HDAC7: variants seen among roughly 807,000 people sequenced by gnomAD.
HDAC7 encodes histone deacetylase 7A.
A neutral mutation model predicts 115.5 loss-of-function variants in HDAC7; 26 were observed. That is an observed-to-expected ratio of 0.23 (90% confidence interval 0.16 to 0.31). The LOEUF is 0.31. Ranked by LOEUF, HDAC7 falls within the 10% of genes least tolerant of loss-of-function variation. The pLI is 1.00. For missense variants in HDAC7, 1,068 were observed against 1,329.0 expected, an observed-to-expected ratio of 0.80 and a Z score of 3.05; for synonymous variants, 564 against 550.9, an observed-to-expected ratio of 1.02 and a Z score of -0.33.
chr12:47,809,909 T>C (rs899840999), intron 1 of HDAC7, among the ~76,000 whole-genome samples: 2 of 152,090 alleles, frequency 1.3e-5, no homozygotes, highest in Non-Finnish European at 2.9e-5. Context: ...CAAGTAGTCC[T>C]CACAACTCTG....
At chr12:47,813,182 T>C in intron 1 of HDAC7, 2 of 143,994 alleles carry the variant, frequency 1.4e-5, no homozygotes, top group African/African-American at 2.6e-5. Context: ...TGCCTGGGGC[T>C]CCCCCCTTCA....
At chr12:47,790,122 C>T in intron 16 of HDAC7, 1 of 586,072 alleles carries the variant, frequency 1.7e-6, no homozygotes, top group Non-Finnish European at 3.1e-6. Context: ...AGCTTAAGTC[C>T]CAGCACCAGC....
intron 21 of HDAC7, among the ~76,000 whole-genome samples, chr12:47,786,985 G>C (rs1943204607): frequency 6.6e-6 from 1 of 152,196 alleles, no homozygotes; most frequent in Non-Finnish European, 1.5e-5. Context: ...GTGTGACCAT[G>C]TGTGTGTGCA....
At chr12:47,812,835 C>G (rs1332333626) in intron 1 of HDAC7, 1 of 152,270 alleles carries the variant, frequency 6.6e-6, no homozygotes, top group Admixed American at 6.5e-5. Flanking sequence ...ACCCAGATCT[C>G]TGGCGTCAGA....
At chr12:47,820,104 C>T (rs1398873713), upstream of HDAC7, 1 of 150,996 alleles carries the variant, frequency 6.6e-6, no homozygotes, top group African/African-American at 2.4e-5. The surrounding 1 kb of genome is among the most constrained non-coding windows in gnomAD (Gnocchi z 4.3). Context: ...CCGCGCGCGG[C>T]CAGATCGCGG....
intron 1 of HDAC7, among the ~76,000 whole-genome samples, chr12:47,802,671 C>A (rs757593769): frequency 1.3e-5 from 2 of 152,022 alleles, no homozygotes; most frequent in Admixed American, 6.5e-5. Context: ...TGAGGTGGGG[C>A]CAGAGGTGGG....
intron 17 of HDAC7, 114 bp downstream of exon 17, chr12:47,789,699 C>T: frequency 7.2e-7 from 1 of 1,396,552 alleles, no homozygotes; most frequent in East Asian, 2.3e-5. Context: ...CCTCCAAAAC[C>T]CTGTAGCAAT....
chr12:47,795,055 G>T lies in HDAC7; in HGVS notation c.1285-122C>A. 1 of 1,313,654 alleles carries T rather than the reference G, an allele frequency of 7.6e-7. No homozygotes were observed. Among genetic ancestry groups the T allele is most frequent in the Non-Finnish European group, 1.1e-6 (1 of 940,638 alleles). 81.4% of individuals were successfully genotyped at this position (1,313,654 alleles called of 1,614,324 possible). A position where few individuals can be genotyped will look rare whatever the true frequency, so the allele number is the denominator to read the frequency against. On this transcript the variant is annotated intron_variant, in intron 11 of 25. Coordinates refer to ENST00000080059, the MANE Select transcript of HDAC7 (RefSeq NM_015401.5). The surrounding 1 kb of genome is among the most constrained non-coding windows in gnomAD (Gnocchi z 4.3). Reference sequence around the variant, plus strand: ...GACTCCAGCTGCCATGCAGCTCTGGGCCCCAAGAAGCCACATCCCCCTCTT... The same window carrying T: ...GACTCCAGCTGCCATGCAGCTCTGGTCCCCAAGAAGCCACATCCCCCTCTT...
chr12:47,810,840 C>CTCTA (rs1944629253), intron 1 of HDAC7, among the ~76,000 whole-genome samples: 1 of 95,410 alleles, frequency 1.0e-5, no homozygotes, highest in South Asian at 3.2e-4. Context: ...CTCTCTCTCT[C>CTCTA]TCTCTCTATC....
At chr12:47,800,403 C>T (rs1161556393) in intron 2 of HDAC7, among the ~76,000 whole-genome samples, 1 of 152,190 alleles carries the variant, frequency 6.6e-6, no homozygotes, top group Non-Finnish European at 1.5e-5. Flanking sequence ...TTCACTCTAA[C>T]ATTCCCTGAC....
At chr12:47,800,340 G>A (rs963946731) in intron 2 of HDAC7, among the ~76,000 whole-genome samples, 2 of 152,108 alleles carry the variant, frequency 1.3e-5, no homozygotes, top group African/African-American at 4.8e-5. Flanking sequence ...TCCCCTCAAG[G>A]GGCTTTCTCA....
Position 47,797,070 on chromosome 12 carries a change from C to A in HDAC7, c.650G>T (p.Arg217Leu). 6.2e-7 allele frequency: 1 copy of A among 1,606,992 alleles called. No individual in the cohort carries two copies. Among genetic ancestry groups the A allele is most frequent in the Middle Eastern group, 1.7e-4 (1 of 6,020 alleles). ...GAGGCTGGGGGGCGCACTCTCCTTT[C>A]GGAGCAGTGGATTCTTCCTCCGCTC... ...SLERRKNPLLRKESAPPSLRR... is the reference protein window; with the variant it reads ...SLERRKNPLLLKESAPPSLRR... Residue 217 changes from arginine (R) to leucine (L), a missense_variant, in exon 7 of 26, where the codon CGA (arginine) becomes CTA (leucine). Around this residue, in one of 6 missense-constraint regions of HDAC7, gnomAD observed 618 missense variants for 701.5 expected, o/e 0.88. Coordinates refer to ENST00000080059, the MANE Select transcript of HDAC7 (RefSeq NM_015401.5). The surrounding 1 kb of genome is among the most constrained non-coding windows in gnomAD (Gnocchi z 5.5).
chr12:47,796,596 G>T (rs1414301253), intron 7 of HDAC7, among the ~76,000 whole-genome samples: 1 of 151,898 alleles, frequency 6.6e-6, no homozygotes, highest in Non-Finnish European at 1.5e-5. Flanking sequence ...GCTAATTTTT[G>T]TATTTTTAGT....
rs35753431 is a variant in HDAC7 at position 47,797,895 on chromosome 12, T to TGTGTGTGTGTGA, written c.461+212_461+213insTCACACACACAC. Among the ~76,000 whole-genome samples the TGTGTGTGTGTGA allele has an allele frequency of 5.0e-3, 714 of 143,402 alleles. 5 individuals are homozygous for TGTGTGTGTGTGA. The highest frequency in any genetic ancestry group is 0.014 in the African/African-American group (501 of 36,478). 94.1% of individuals were successfully genotyped at this position (143,402 alleles called of 152,430 possible). On this transcript the variant is annotated intron_variant, in intron 5 of 25. Coordinates refer to ENST00000080059, the MANE Select transcript of HDAC7 (RefSeq NM_015401.5). The surrounding 1 kb of genome is among the most constrained non-coding windows in gnomAD (Gnocchi z 5.5). ...GTGTGTGTGTGTGTGTGTGTGTGTG[T>TGTGTGTGTGTGA]GAGAAGGGCTCAGGTGGGGTGGGGA...
Position 47,788,133 on chromosome 12 carries a change from G to A in HDAC7, c.2267C>T (p.Thr756Ile). Residue 756 changes from threonine (T) to isoleucine (I), a missense_variant, in exon 20 of 26, where the codon ACC becomes ATC. Physicochemically the swap from Thr to Ile is moderately conservative, Grantham distance 89. This residue lies in a region of HDAC7 where 182 missense variants were observed against 301.1 expected (regional missense o/e 0.60). Transcript: ENST00000080059. ...DVHHGNGTQQ[T>I]FYQDPSVLYI... ...GAGCACACTGGGGTCTTGGTAGAAG[G>A]TTTGCTGGGTGCCGTTGCCATGGTG... The A allele has an allele frequency of 6.2e-7, 1 of 1,612,804 alleles. No individual in the cohort carries two copies. Among genetic ancestry groups the A allele is most frequent in the South Asian group, 1.1e-5 (1 of 90,918 alleles).
rs769896619 is a variant in HDAC7 at position 47,784,134 on chromosome 12, C to T, written c.2875G>A (p.Val959Met). The T allele has an allele frequency of 1.9e-6, 3 of 1,613,794 alleles. No individual in the cohort carries two copies. The South Asian group carries it at 3.3e-5, about 18-fold the overall frequency. ...GACGCCAGTGCGGTCACTGCCTCCACTTCTTCTTTGTCAGCCCCTGGCACT... is the reference window on the plus strand; with the variant it reads ...GACGCCAGTGCGGTCACTGCCTCCATTTCTTCTTTGTCAGCCCCTGGCACT... The part of the protein sequence containing the change: ...PRVPGADKEE[V>M]EAVTALASLS... Residue 959 changes from valine to methionine, a missense_variant, in exon 25 of 26, where the codon GTG (valine) becomes ATG (methionine). Transcript: ENST00000080059.
At chr12:47,784,857 T>TTGATATGGGG in intron 24 of HDAC7, 2 of 1,277,970 alleles carry the variant, frequency 1.6e-6, no homozygotes, top group East Asian at 5.1e-5. Context: ...ACGGCTCCCC[T>TTGATATGGGG]ACCCAGCCCT....
chr12:47,787,707 C>T lies in HDAC7; in HGVS notation c.2453+5G>A, dbSNP rs756316396. The T allele has an allele frequency of 1.2e-5, 20 of 1,600,980 alleles. No individual in the cohort carries two copies. Among genetic ancestry groups the T allele is most frequent in the Admixed American group, 3.4e-5 (2 of 59,136 alleles). On this transcript the variant is annotated splice_donor_5th_base_variant and intron_variant, in intron 21 of 25. Transcript: ENST00000080059. Reference sequence around the variant, plus strand: ...CTTGCCCCTCTGGGCCCCCAGAGCACGTACCTGAAAGCAGCCAGGTACTCA... The same window carrying T: ...CTTGCCCCTCTGGGCCCCCAGAGCATGTACCTGAAAGCAGCCAGGTACTCA...
Position 47,789,822 on chromosome 12 carries a change from A to G in HDAC7, c.2082T>C (p.Arg694=), listed in dbSNP as rs1211807558. Residue 694 remains arginine (R), a synonymous_variant, in exon 17 of 26, where the codon CGT becomes CGC. Coordinates refer to ENST00000080059, the MANE Select transcript of HDAC7 (RefSeq NM_015401.5). ...AACCCAAACCTCCTACCTTTAGCTC[A>G]CGAGAAGCCACTTTGAAGGCGAGGT... ...VTDLAFKVAS[R]ELKNGFAVVR... is the part of the protein sequence containing the mutation. 1 of 1,613,082 alleles carries G rather than the reference A, an allele frequency of 6.2e-7. No individual in the cohort carries two copies. Among genetic ancestry groups the G allele is most frequent in the East Asian group, 2.2e-5 (1 of 44,896 alleles).
Sources: allele counts gnomAD v4.1 joint callset (sites outside exome capture counted in the v4.1 genomes callset), GRCh38; gene constraint gnomAD v4.1.1; regional missense constraint gnomAD v4.1.1; non-coding constraint Gnocchi (gnomAD v3.1); transcripts MANE v1.5; gene names NCBI Gene and HGNC (gene_info 2026-07-23, HGNC 2026-07-21).